TPP2: variants seen among roughly 807,000 people sequenced by gnomAD.
TPP2 encodes the protein tripeptidyl-peptidase 2.
TPP2 carries 34 observed loss-of-function variants against 155.9 expected under a neutral mutation model. That is an observed-to-expected ratio of 0.22 (90% confidence interval 0.17 to 0.29). The LOEUF (loss-of-function observed/expected upper bound fraction) is 0.29, where lower values mean the gene tolerates loss of function less well. Among genes scored for constraint, TPP2 ranks in the 10% least tolerant of loss-of-function variants. The pLI is 1.00. For synonymous variants in TPP2, 510 were observed against 529.4 expected (o/e 0.96, Z 0.50); for missense variants, 1,028 against 1,522.3 (o/e 0.68, Z 5.40).
intron 12 of TPP2, 96 bp downstream of exon 12, chr13:102,635,798 G>C: frequency 1.1e-6 from 1 of 928,792 alleles, no homozygotes; most frequent in Admixed American, 2.2e-5. Flanking sequence ...CAGTGATTCA[G>C]TATATCTGAA....
chr13:102,664,853 T>C lies in TPP2; in HGVS notation c.3299T>C (p.Ile1100Thr). ...GCGGCAAATGCTGTTATTTCTCATA[T>C]AGATCAAACAGCCCTAGCAGTTTAT... Reference protein sequence around the residue: ...VDAANAVISHIDQTALAVYIA... With the variant: ...VDAANAVISHTDQTALAVYIA... Residue 1100 changes from isoleucine (I) to threonine (T), a missense_variant, in exon 27 of 30, where the codon ATA becomes ACA. Physicochemically the swap from Ile to Thr is moderately conservative, Grantham distance 89 (BLOSUM62 -1). Around this residue, in one of 7 missense-constraint regions of TPP2, gnomAD observed 116 missense variants for 117.3 expected, o/e 0.99. Coordinates refer to ENST00000376052, the MANE Select transcript of TPP2 (RefSeq NM_001330588.2). The C allele has an allele frequency of 6.2e-7, 1 of 1,613,822 alleles. No individual in the cohort carries two copies. The highest frequency in any genetic ancestry group is 2.2e-5 in the East Asian group (1 of 44,842).
chr13:102,672,518 G>C (rs1053403741), intron 27 of TPP2, among the ~76,000 whole-genome samples: 2 of 152,128 alleles, frequency 1.3e-5, no homozygotes, highest in African/African-American at 4.8e-5. Context: ...TTCCAAGAAG[G>C]TTTGCATCTT....
At chr13:102,615,875 T>G (rs1880681135) in intron 3 of TPP2, among the ~76,000 whole-genome samples, 1 of 152,224 alleles carries the variant, frequency 6.6e-6, no homozygotes, top group African/African-American at 2.4e-5. Context: ...CTTGGTAAAC[T>G]TCTCTTAAAC....
chr13:102,615,204 A>T (rs960473809), intron 3 of TPP2, among the ~76,000 whole-genome samples: 6 of 152,218 alleles, frequency 3.9e-5, no homozygotes, highest in Admixed American at 3.9e-4. Context: ...ATGTTATTTT[A>T]AAATTTCAGG....
chr13:102,611,115 C>G (rs1310447058), intron 2 of TPP2, among the ~76,000 whole-genome samples: 1 of 152,102 alleles, frequency 6.6e-6, no homozygotes, highest in Non-Finnish European at 1.5e-5. Context: ...TGAGACTTGC[C>G]CATGTTGTCA....
At position 102,649,428 on chromosome 13, in the gene TPP2, CTGGA is replaced by C. The variant is rs1475801499; in HGVS notation, c.2897_2900del (p.Gly966AlafsTer7). The C allele has an allele frequency of 6.2e-7, 1 of 1,612,900 alleles. No individual in the cohort carries two copies. On this transcript the variant is annotated frameshift_variant, in exon 23 of 30. Coordinates refer to ENST00000376052, the MANE Select transcript of TPP2 (RefSeq NM_001330588.2). LOFTEE classifies it high-confidence loss of function. ...TTTAGAATACCTAAAGGGGCAGGAC[CTGGA>C]TGCTATCTTGCAGGATCCTTAACAT...
chr13:102,634,132 CA>C (rs1882209236), intron 11 of TPP2, 34 bp downstream of exon 11: 1 of 1,609,398 alleles, frequency 6.2e-7, no homozygotes, highest in Non-Finnish European at 8.5e-7. Flanking sequence ...TACATTATTG[CA>C]GACCAATATT....
In TPP2 at chr13:102,649,068, T is replaced by G; in HGVS notation, c.2790T>G (p.Leu930=). The G allele has an allele frequency of 1.9e-6, 3 of 1,613,598 alleles. No homozygotes were observed. The highest frequency in any genetic ancestry group is 2.5e-6 in the Non-Finnish European group (3 of 1,179,856). ...TTCATGAAAATCATAGTTTTGCACTTCTAGGGAAGAAGAAATCAAGCAATT... is the reference window on the plus strand; with the variant it reads ...TTCATGAAAATCATAGTTTTGCACTGCTAGGGAAGAAGAAATCAAGCAATT... ...LDIHENHSFA[L]LGKKKSSNLT... The change falls in exon 22 of 30, where the codon CTT becomes CTG. Residue 930 remains leucine (L), a synonymous_variant. Transcript: ENST00000376052.
intron 1 of TPP2, among the ~76,000 whole-genome samples, chr13:102,598,634 G>A (rs1181049350): frequency 6.6e-6 from 1 of 152,230 alleles, no homozygotes; most frequent in Non-Finnish European, 1.5e-5. Flanking sequence ...TTCAGCTGTG[G>A]AGTGTGTTTA....
chr13:102,645,051 A>T, intron 19 of TPP2, 42 bp downstream of exon 19: 1 of 1,553,896 alleles, frequency 6.4e-7, no homozygotes, highest in Non-Finnish European at 8.8e-7. Context: ...TTGAATATAG[A>T]TTGGGGGGAT....
rs762868699 is a variant in TPP2, at chr13:102,638,306, T to C, written c.1904T>C (p.Ile635Thr). 8 of 1,612,884 alleles carry C rather than the reference T, an allele frequency of 5.0e-6. No individual in the cohort carries two copies. Among genetic ancestry groups the C allele is most frequent in the East Asian group, 4.5e-5 (2 of 44,880 alleles). ...TTCAGAGTTCCGATCACTGCAGTTA[T>C]AGCAGCAAAGTAAGTAACAGGTTAC... is the stretch of plus-strand genomic sequence containing the variant. ...PLFRVPITAV[I>T]AAKVNESSHY... The change falls in exon 15 of 30, where the codon ATA (isoleucine) becomes ACA (threonine). Residue 635 changes from isoleucine to threonine, a missense_variant. Around this residue, in one of 7 missense-constraint regions of TPP2, gnomAD observed 325 missense variants for 463.7 expected, o/e 0.70. Transcript: ENST00000376052.
chr13:102,665,448 A>G (rs911732869), intron 27 of TPP2, among the ~76,000 whole-genome samples: 1 of 152,188 alleles, frequency 6.6e-6, no homozygotes, highest in Non-Finnish European at 1.5e-5. Flanking sequence ...GAGAATTTAT[A>G]GTTTTGCCTT....
chr13:102,676,201 T>C, intron 28 of TPP2, 95 bp from the exon 29 acceptor site: 3 of 1,195,266 alleles, frequency 2.5e-6, no homozygotes, highest in Non-Finnish European at 3.4e-6. Context: ...TTTCAAAAGC[T>C]ACACTTCTGT....
In TPP2 at chr13:102,644,201, G is replaced by A. The variant is rs141761400; in HGVS notation, c.2176-356G>A. ...ATTGAGTATGCCTTACAAAGTTGAA[G>A]TATCTTTATTGTGTCGTTATACTTG... On this transcript the variant is annotated intron_variant, in intron 17 of 29. Transcript: ENST00000376052. Among the ~76,000 whole-genome samples the A allele has an allele frequency of 2.6e-5, 4 of 152,190 alleles. No homozygotes were observed. In the East Asian group the frequency reaches 7.7e-4, roughly 29 times the overall value.
At chr13:102,606,963 G>T (rs948490393) in intron 2 of TPP2, among the ~76,000 whole-genome samples, 2 of 152,164 alleles carry the variant, frequency 1.3e-5, no homozygotes, top group African/African-American at 2.4e-5. Flanking sequence ...GTTAGATGAG[G>T]TTATGAGTAT....
At chr13:102,640,519 C>A in intron 16 of TPP2, 143 bp downstream of exon 16, 1 of 613,564 alleles carries the variant, frequency 1.6e-6, no homozygotes, top group Non-Finnish European at 2.8e-6. Context: ...CTGTAAAGTT[C>A]AAAACGTTTT....
rs753682674 is a variant in TPP2 at position 102,637,195 on chromosome 13, C to G, written c.1792C>G (p.Arg598Gly). ...LMNQCRHINI[R>G]VDPRGLREGL... ...GAATCAATGTAGACACATAAACATA[C>G]GTGTGGATCCCAGGGGCTTAAGAGA... is the stretch of plus-strand genomic sequence containing the variant. The change falls in exon 14 of 30, where the codon CGT (arginine) becomes GGT (glycine). Residue 598 changes from arginine to glycine, a missense_variant. Arg to Gly is a moderately radical substitution (Grantham distance 125, BLOSUM62 -2). Transcript: ENST00000376052. 2 of 1,610,094 alleles carry G rather than the reference C, an allele frequency of 1.2e-6. No homozygotes were observed. Among genetic ancestry groups the G allele is most frequent in the Non-Finnish European group, 1.7e-6 (2 of 1,179,390 alleles).
chr13:102,616,627 T>C, intron 4 of TPP2, 127 bp downstream of exon 4: 1 of 677,508 alleles, frequency 1.5e-6, no homozygotes, highest in Non-Finnish European at 2.2e-6. Context: ...AGTTGGTTAA[T>C]TTTACTAATT....
intron 2 of TPP2, among the ~76,000 whole-genome samples, chr13:102,608,956 A>G (rs1301327935): frequency 6.6e-6 from 1 of 152,210 alleles, no homozygotes; most frequent in South Asian, 2.1e-4. Context: ...ACTATAGGGT[A>G]ATGATAACAT....
Sources: allele counts gnomAD v4.1 joint callset (sites outside exome capture counted in the v4.1 genomes callset), GRCh38; gene constraint gnomAD v4.1.1; regional missense constraint gnomAD v4.1.1; transcripts MANE v1.5; gene names NCBI Gene and HGNC (gene_info 2026-07-23, HGNC 2026-07-21).